Variants in SPDYE21 observed in about 807,000 individuals in gnomAD.
SPDYE21 encodes speedy protein E21.
A neutral mutation model predicts 36.2 loss-of-function variants in SPDYE21; 14 were observed. The ratio of observed to expected loss-of-function variants is 0.39; its 90% confidence interval spans 0.26 to 0.61. SPDYE21 has a LOEUF of 0.61. SPDYE21 is among the 20% of genes least tolerant of loss of function. The probability of loss-of-function intolerance (pLI) is 0.55; values close to 1 mark genes in which losing one functional copy is unlikely to be tolerated. For missense variants in SPDYE21, 233 were observed against 424.6 expected, an observed-to-expected ratio of 0.55 and a Z score of 3.97; for synonymous variants, 58 against 155.1, an observed-to-expected ratio of 0.37 and a Z score of 4.65.
At position 67,287,843 on chromosome 7, in the gene SPDYE21, G is replaced by A. The variant is rs1227924063; in HGVS notation, c.*371G>A. Among the ~76,000 whole-genome samples, 10 of 152,016 alleles carry A rather than the reference G, an allele frequency of 6.6e-5. No homozygotes were observed. The highest frequency in any genetic ancestry group is 1.2e-4 in the Non-Finnish European group (8 of 68,022). On this transcript the variant is annotated 3_prime_UTR_variant, in exon 9 of 9. Coordinates refer to ENST00000424157, the MANE Select transcript of SPDYE21 (RefSeq NM_001382715.2). The stretch of plus-strand genomic sequence containing the variant: ...GGAACCTGGAGGTGCTGTTTCTTAC[G>A]GACTTGGTTGCCACAGTCCAGGAGC...
In SPDYE21 at chr7:67,276,970, G is replaced by A. The variant is rs3980803; in HGVS notation, c.-515G>A. ...ATGGGACTTCCACAGCAATGGGATC[G>A]GCTTCCTCTTTCAGTGTGTGCCTTT... On this transcript the variant is annotated 5_prime_UTR_variant, in exon 1 of 9. Coordinates refer to ENST00000424157, the MANE Select transcript of SPDYE21 (RefSeq NM_001382715.2). Among the ~76,000 whole-genome samples, 2 of 152,208 alleles carry A rather than the reference G, an allele frequency of 1.3e-5. No homozygotes were observed. Among genetic ancestry groups the A allele is most frequent in the Non-Finnish European group, 2.9e-5 (2 of 68,038 alleles).
chr7:67,282,148 G>C (rs3873637), intron 4 of SPDYE21, among the ~76,000 whole-genome samples: 1 of 151,794 alleles, frequency 6.6e-6, no homozygotes, highest in Non-Finnish European at 1.5e-5. Context: ...AAATTAATAA[G>C]TAAATAAAAA....
Position 67,286,297 on chromosome 7 carries a change from C to G in SPDYE21, c.1009C>G (p.Arg337Gly). 2 of 1,601,086 alleles carry G rather than the reference C, an allele frequency of 1.2e-6. No homozygotes were observed. The highest frequency in any genetic ancestry group is 2.2e-5 in the South Asian group (2 of 90,058). Residue 337 changes from arginine to glycine, a missense_variant, in exon 7 of 9, where the codon CGT (arginine) becomes GGT (glycine). Coordinates refer to ENST00000424157, the MANE Select transcript of SPDYE21 (RefSeq NM_001382715.2). ...YRSRIPLVRK[R>G]RFQLRRCMNP... ...CTCTCGCATACCCTTGGTCCGTAAG[C>G]GTCGGTTCCAGTTACGCCGTTGCAT... is the stretch of plus-strand genomic sequence containing the variant.
At chr7:67,281,099 C>CAAA (rs3972832) in intron 3 of SPDYE21, among the ~76,000 whole-genome samples, 142 of 43,688 alleles carry the variant, frequency 3.3e-3, no homozygotes, top group East Asian at 6.6e-3. Flanking sequence ...ACAACAACAA[C>CAAA]AAAAAAAAAA....
intron 3 of SPDYE21, among the ~76,000 whole-genome samples, chr7:67,280,641 A>C (rs1802614484): frequency 7.6e-6 from 1 of 131,238 alleles, no homozygotes; most frequent in South Asian, 2.8e-4. Flanking sequence ...GCTTTGAGCC[A>C]AGATAGCGCC....
At chr7:67,279,234 A>G (rs1802591904) in intron 2 of SPDYE21, among the ~76,000 whole-genome samples, 1 of 145,176 alleles carries the variant, frequency 6.9e-6, no homozygotes, top group Non-Finnish European at 1.5e-5. Flanking sequence ...CAGGAAGGAG[A>G]ACCTGAGGAG....
intron 1 of SPDYE21, among the ~76,000 whole-genome samples, chr7:67,277,292 C>T (rs1220637923): frequency 6.6e-6 from 1 of 151,614 alleles, no homozygotes; most frequent in African/African-American, 2.4e-5. Flanking sequence ...CTCCTGACCT[C>T]AAGTGATCCA....
intron 1 of SPDYE21, among the ~76,000 whole-genome samples, chr7:67,277,666 T>G (rs1802563231): frequency 6.6e-6 from 1 of 151,112 alleles, no homozygotes; most frequent in Non-Finnish European, 1.5e-5. Flanking sequence ...TCAGGCAATC[T>G]TCCTCCCTTG....
intron 5 of SPDYE21, among the ~76,000 whole-genome samples, chr7:67,283,171 C>T (rs1802672386): frequency 6.6e-6 from 1 of 151,316 alleles, no homozygotes; most frequent in East Asian, 1.9e-4. Context: ...TCTAGCTCTG[C>T]TCCCCAGGAT....
At chr7:67,280,412 A>G (rs1270028933) in intron 3 of SPDYE21, among the ~76,000 whole-genome samples, 1 of 152,106 alleles carries the variant, frequency 6.6e-6, no homozygotes, top group Non-Finnish European at 1.5e-5. Context: ...TGTCAAAAGA[A>G]AAACGAAGGC....
intron 3 of SPDYE21, among the ~76,000 whole-genome samples, chr7:67,280,500 G>A (rs1156388323): frequency 2.0e-5 from 3 of 151,382 alleles, no homozygotes; most frequent in Non-Finnish European, 4.4e-5. Context: ...TCAGTTGTTC[G>A]AGACCAACCA....
intron 1 of SPDYE21, among the ~76,000 whole-genome samples, chr7:67,277,673 C>G (rs2031326638): frequency 6.6e-6 from 1 of 150,812 alleles, no homozygotes; most frequent in South Asian, 2.1e-4. Flanking sequence ...ATCTTCCTCC[C>G]TTGGCCACCC....
intron 3 of SPDYE21, among the ~76,000 whole-genome samples, 192 bp downstream of exon 3, chr7:67,280,228 T>C (rs1051281681): frequency 1.3e-5 from 2 of 152,106 alleles, no homozygotes; most frequent in Admixed American, 1.3e-4. Context: ...TTGATAAAGG[T>C]TGGCGCTTGG....
intron 6 of SPDYE21, among the ~76,000 whole-genome samples, chr7:67,284,448 CA>C (rs3980859): frequency 0.12 from 4,717 of 38,368 alleles, 264 homozygotes; most frequent in Middle Eastern, 0.21. Flanking sequence ...GACTTTTTCT[CA>C]AAAAAAAAAA....
In SPDYE21 at chr7:67,286,098, C is replaced by G. The variant is rs570816768; in HGVS notation, c.810C>G (p.Phe270Leu). The G allele has an allele frequency of 5.3e-4, 857 of 1,613,986 alleles. 8 individuals carry two copies. The African/African-American group carries it at 8.8e-3, about 17-fold the overall frequency. ...EDDEDSKQNI[F>L]HFLYGKTRSR... ...ACGAGGACTCCAAACAAAACATCTTCCACTTCCTGTATGGGAAGACCCGCT... is the reference window on the plus strand; with the variant it reads ...ACGAGGACTCCAAACAAAACATCTTGCACTTCCTGTATGGGAAGACCCGCT... Residue 270 changes from phenylalanine to leucine, a missense_variant, in exon 7 of 9, where the codon TTC (phenylalanine) becomes TTG (leucine). Physicochemically the swap from Phe to Leu is conservative, Grantham distance 22. This residue lies in a region of SPDYE21 where 139 missense variants were observed against 175.8 expected (regional missense o/e 0.79). Coordinates refer to ENST00000424157, the MANE Select transcript of SPDYE21 (RefSeq NM_001382715.2).
intron 1 of SPDYE21, among the ~76,000 whole-genome samples, chr7:67,277,836 T>C (rs910066606): frequency 3.5e-5 from 5 of 144,020 alleles, no homozygotes; most frequent in Non-Finnish European, 7.6e-5. Flanking sequence ...ACTTGATATA[T>C]AGACTAGAGT....
chr7:67,277,124 C>T (rs200597888), intron 1 of SPDYE21, among the ~76,000 whole-genome samples, 62 bp downstream of exon 1: 13,896 of 151,918 alleles, frequency 0.091, 893 homozygotes, highest in East Asian at 0.36. Context: ...CACAATGGTG[C>T]GATCTTGGCT....
intron 6 of SPDYE21, among the ~76,000 whole-genome samples, chr7:67,284,266 T>C (rs1344584061): frequency 6.6e-6 from 1 of 151,054 alleles, no homozygotes; most frequent in African/African-American, 2.4e-5. Context: ...CTGGCCAACA[T>C]GGCCAAACCC....
chr7:67,277,111 G>A (rs556732320), intron 1 of SPDYE21, among the ~76,000 whole-genome samples, 49 bp downstream of exon 1: 1 of 152,120 alleles, frequency 6.6e-6, no homozygotes, highest in African/African-American at 2.4e-5. Context: ...GCCCAGGCTG[G>A]AGCACAATGG....
Sources: gnomAD v4.1 joint callset for allele counts (sites outside exome capture counted in the v4.1 genomes callset) on GRCh38, gnomAD v4.1.1 for gene constraint, gnomAD v4.1.1 regional missense constraint, MANE v1.5 for transcripts, NCBI Gene and HGNC (gene_info 2026-07-23, HGNC 2026-07-21) for gene names.